The following CSMD1 variants were observed in gnomAD, a reference collection of about 807,000 sequenced individuals.
CSMD1 encodes CUB and Sushi multiple domains 1.
A neutral mutation model predicts 417.5 loss-of-function variants in CSMD1; 213 were observed. The observed-to-expected ratio is 0.51, with a 90% CI of 0.46 to 0.57. The LOEUF is 0.57. Ranked by LOEUF, CSMD1 falls within the 20% of genes least tolerant of loss-of-function variation. CSMD1 has a pLI of 0.00. For synonymous variants in CSMD1, 2,862 were observed against 1,736.8 expected (o/e 1.65, Z -16.11); for missense variants, 6,923 against 4,529.7 (o/e 1.53, Z -15.17).
chr8:4,435,118 AAAACTGT>A (rs901737708), intron 2 of CSMD1, among the ~76,000 whole-genome samples: 3 of 152,064 alleles, frequency 2.0e-5, no homozygotes, highest in Non-Finnish European at 2.9e-5. Context: ...AAAATAAGGA[AAAACTGT>A]ATTTTAAAGT....
At chr8:3,242,585 C>G (rs371973200) in intron 26 of CSMD1, among the ~76,000 whole-genome samples, 2 of 152,050 alleles carry the variant, frequency 1.3e-5, no homozygotes, top group South Asian at 2.1e-4. Flanking sequence ...TGGGGTCAAG[C>G]GGCATTGCAG....
At chr8:4,327,596 T>C (rs185343506) in intron 3 of CSMD1, among the ~76,000 whole-genome samples, 33 of 152,196 alleles carry the variant, frequency 2.2e-4, no homozygotes, top group Non-Finnish European at 8.8e-5. Flanking sequence ...ACAAAGATGT[T>C]ACCAAGTCAG....
chr8:4,861,651 CTT>C lies in CSMD1; in HGVS notation c.85+132679_85+132680del, dbSNP rs533529946. Among the ~76,000 whole-genome samples, 48 of 152,160 alleles carry C rather than the reference CTT, an allele frequency of 3.2e-4. 1 individual carries two copies. The East Asian group carries it at 7.3e-3, about 23-fold the overall frequency. Reference sequence around the variant, plus strand: ...GTCTAAAATATATATGCATTTAAAACTTTGTGGTATTTTCTACCACATAACAA... The same window carrying C: ...GTCTAAAATATATATGCATTTAAAACTGTGGTATTTTCTACCACATAACAA... On this transcript the variant is annotated intron_variant, in intron 1 of 69. Transcript: ENST00000635120.
At chr8:3,673,319 G>C (rs1362322919) in intron 7 of CSMD1, among the ~76,000 whole-genome samples, 1 of 152,122 alleles carries the variant, frequency 6.6e-6, no homozygotes, top group African/African-American at 2.4e-5. Context: ...CAGGTAAACT[G>C]AAAATTCAGC....
intron 11 of CSMD1, among the ~76,000 whole-genome samples, chr8:3,469,508 A>C (rs1230739658): frequency 6.6e-6 from 1 of 152,210 alleles, no homozygotes; most frequent in Non-Finnish European, 1.5e-5. Flanking sequence ...AAACAGTCAC[A>C]TAGGGGCTGC....
intron 3 of CSMD1, among the ~76,000 whole-genome samples, chr8:4,341,932 G>C (rs1170711942): frequency 6.6e-6 from 1 of 152,070 alleles, no homozygotes; most frequent in Non-Finnish European, 1.5e-5. Flanking sequence ...TTAGTACTAT[G>C]CTTTGTCCAA....
intron 51 of CSMD1, among the ~76,000 whole-genome samples, chr8:3,025,574 C>A (rs560071710): frequency 1.1e-4 from 17 of 152,194 alleles, no homozygotes; most frequent in African/African-American, 4.1e-4. Context: ...ATTCTTTTAG[C>A]GGTCAACAAG....
At chr8:4,925,707 G>A (rs1367560233) in intron 1 of CSMD1, among the ~76,000 whole-genome samples, 1 of 151,812 alleles carries the variant, frequency 6.6e-6, no homozygotes, top group African/African-American at 2.4e-5. Flanking sequence ...CCACCACGCA[G>A]GGCTAATTTT....
chr8:4,172,791 A>C (rs1188106495), intron 3 of CSMD1, among the ~76,000 whole-genome samples: 1 of 152,140 alleles, frequency 6.6e-6, no homozygotes, highest in African/African-American at 2.4e-5. Context: ...AGAGAAGCCT[A>C]TCCCATGTCT....
chr8:3,133,181 C>T (rs1275722190), intron 41 of CSMD1, among the ~76,000 whole-genome samples: 1 of 152,146 alleles, frequency 6.6e-6, no homozygotes, highest in Non-Finnish European at 1.5e-5. Flanking sequence ...GACCTGGGGC[C>T]CCTTCTTGGC....
At chr8:4,174,143 C>A (rs1036322824) in intron 3 of CSMD1, among the ~76,000 whole-genome samples, 3 of 152,078 alleles carry the variant, frequency 2.0e-5, no homozygotes, top group African/African-American at 7.3e-5. Context: ...GGGTCACCCA[C>A]CAAAGGCTCG....
chr8:3,307,770 G>C lies in CSMD1; in HGVS notation c.3875C>G (p.Pro1292Arg). ...GTTGTCATACGGAGCTGGATAGCCAGGGGACAATATTCGTCCTGATGTGGC... is the reference window on the plus strand; with the variant it reads ...GTTGTCATACGGAGCTGGATAGCCACGGGACAATATTCGTCCTGATGTGGC... The part of the protein sequence containing the change: ...HAATSGRILS[P>R]GYPAPYDNNL... The change falls in exon 25 of 70, where the codon CCT becomes CGT. Residue 1292 changes from proline (P) to arginine (R), a missense_variant. Transcript: ENST00000635120. 1 of 1,613,672 alleles carries C rather than the reference G, an allele frequency of 6.2e-7. No individual in the cohort carries two copies. The highest frequency in any genetic ancestry group is 8.5e-7 in the Non-Finnish European group (1 of 1,179,684).
intron 4 of CSMD1, among the ~76,000 whole-genome samples, chr8:4,010,475 CT>C (rs1451801438): frequency 6.6e-6 from 1 of 152,054 alleles, no homozygotes; most frequent in Non-Finnish European, 1.5e-5. Flanking sequence ...TTGATTAATT[CT>C]CCCCTCTCTT....
intron 7 of CSMD1, among the ~76,000 whole-genome samples, chr8:3,707,003 T>C (rs1014039538): frequency 1.3e-5 from 2 of 151,752 alleles, no homozygotes; most frequent in African/African-American, 2.4e-5. Flanking sequence ...ATTTTTTTTT[T>C]CTTTTGGAAG....
intron 1 of CSMD1, chr8:4,788,552 C>T: frequency 7.3e-7 from 1 of 1,372,978 alleles, no homozygotes; most frequent in Admixed American, 2.1e-5. Flanking sequence ...TTCCTTGAAG[C>T]AGGCTGACAA....
intron 1 of CSMD1, among the ~76,000 whole-genome samples, chr8:4,769,936 G>C (rs28634240): frequency 0.4 from 60,911 of 151,794 alleles, 12,673 homozygotes; most frequent in Admixed American, 0.56. Flanking sequence ...TTAAAAATAA[G>C]AACAATAACA....
intron 50 of CSMD1, among the ~76,000 whole-genome samples, chr8:3,037,428 T>G (rs887524871): frequency 2.0e-5 from 3 of 152,148 alleles, no homozygotes; most frequent in African/African-American, 7.2e-5. Flanking sequence ...CAGGGTGGTC[T>G]GGATCTTCTG....
At chr8:4,301,443 C>G (rs1797976585) in intron 3 of CSMD1, among the ~76,000 whole-genome samples, 1 of 152,146 alleles carries the variant, frequency 6.6e-6, no homozygotes, top group Non-Finnish European at 1.5e-5. Flanking sequence ...TCTCCTGTAA[C>G]AACTCTTCAG....
intron 12 of CSMD1, among the ~76,000 whole-genome samples, chr8:3,454,254 G>A (rs924569524): frequency 6.6e-6 from 1 of 152,142 alleles, no homozygotes; most frequent in African/African-American, 2.4e-5. Context: ...GATGGGTCTT[G>A]ACTCTTTATC....
Sources: gnomAD v4.1 joint callset for allele counts (sites outside exome capture counted in the v4.1 genomes callset) on GRCh38, gnomAD v4.1.1 for gene constraint, MANE v1.5 for transcripts, NCBI Gene and HGNC (gene_info 2026-07-23, HGNC 2026-07-21) for gene names.